Variants in TRMT11 observed in about 807,000 individuals in gnomAD.
TRMT11 encodes tRNA methyltransferase 11.
A neutral mutation model predicts 62.8 loss-of-function variants in TRMT11; 53 were observed. That is an observed-to-expected ratio of 0.84 (90% CI 0.68 to 1.06). The LOEUF (loss-of-function observed/expected upper bound fraction) is 1.06, where lower values mean the gene tolerates loss of function less well. Ranked by LOEUF, TRMT11 falls within the 50% of genes least tolerant of loss-of-function variation. The probability of loss-of-function intolerance (pLI) is 0.00; values close to 1 mark genes in which losing one functional copy is unlikely to be tolerated. For missense variants in TRMT11, 556 were observed against 553.4 expected (o/e 1.00, Z -0.05); for synonymous variants, 188 against 190.3 (o/e 0.99, Z 0.10).
At chr6:126,067,059 C>A (rs1483246067) in intron 17 of TRMT11, among the ~76,000 whole-genome samples, 1 of 152,016 alleles carries the variant, frequency 6.6e-6, no homozygotes, top group East Asian at 1.9e-4. Context: ...GAAACCCTGT[C>A]TCTAATAAAA....
chr6:126,194,110 T>G (rs1778637387), intron 1 of TRMT11, among the ~76,000 whole-genome samples: 1 of 152,170 alleles, frequency 6.6e-6, no homozygotes, highest in Non-Finnish European at 1.5e-5. Context: ...TGGAGAATGT[T>G]CCATGTGCTG....
At chr6:126,171,415 G>T (rs2026170) in intron 21 of TRMT11, among the ~76,000 whole-genome samples, 1 of 152,116 alleles carries the variant, frequency 6.6e-6, no homozygotes, top group Non-Finnish European at 1.5e-5. Context: ...TATTTCATCA[G>T]AACTTGGTGC....
At chr6:126,009,117 A>G (rs935543425) in intron 8 of TRMT11, among the ~76,000 whole-genome samples, 3 of 151,942 alleles carry the variant, frequency 2.0e-5, no homozygotes, top group East Asian at 1.9e-4. Flanking sequence ...ATACATGATA[A>G]TGAAACATAT....
chr6:126,238,631 C>A, the TRMT11 span, among the ~76,000 whole-genome samples: 1 of 151,154 alleles, frequency 6.6e-6, no homozygotes, highest in Non-Finnish European at 1.5e-5. Context: ...TTACTTCCAA[C>A]TATGTGGTCA....
intron 17 of TRMT11, among the ~76,000 whole-genome samples, chr6:126,083,434 C>T (rs1178494214): frequency 6.6e-6 from 1 of 152,014 alleles, no homozygotes; most frequent in Non-Finnish European, 1.5e-5. Context: ...TATTCCATAC[C>T]TTCCTTTTCT....
At chr6:126,007,846 G>C (rs1291854284) in intron 7 of TRMT11, among the ~76,000 whole-genome samples, 2 of 151,910 alleles carry the variant, frequency 1.3e-5, no homozygotes, top group African/African-American at 4.8e-5. Context: ...ATAATTACTT[G>C]ATTGGTTACA....
intron 21 of TRMT11, among the ~76,000 whole-genome samples, chr6:126,120,668 G>T (rs1358433542): frequency 6.6e-6 from 1 of 152,104 alleles, no homozygotes; most frequent in African/African-American, 2.4e-5. Flanking sequence ...TTTGATTCTG[G>T]ATAGTATTGT....
chr6:126,205,880 C>T (rs1295964349), downstream of TRMT11, among the ~76,000 whole-genome samples: 1 of 146,718 alleles, frequency 6.8e-6, no homozygotes, highest in African/African-American at 2.5e-5. Context: ...CTCAAATATG[C>T]CTGCACATGT....
At chr6:126,122,641 C>T (rs1777663478) in intron 21 of TRMT11, among the ~76,000 whole-genome samples, 1 of 152,124 alleles carries the variant, frequency 6.6e-6, no homozygotes, top group South Asian at 2.1e-4. Context: ...TGGGCTTCCC[C>T]ACTCATTCTC....
intron 11 of TRMT11, among the ~76,000 whole-genome samples, chr6:126,018,901 A>G (rs1182192865): frequency 6.6e-6 from 1 of 151,406 alleles, no homozygotes; most frequent in Non-Finnish European, 1.5e-5. Flanking sequence ...TTTTTTTTTG[A>G]GACAATTTCG....
At chr6:126,034,404 A>T (rs1774790919) in intron 12 of TRMT11, among the ~76,000 whole-genome samples, 2 of 152,070 alleles carry the variant, frequency 1.3e-5, no homozygotes, top group South Asian at 4.1e-4. Flanking sequence ...ACAATTGCTG[A>T]TTGTCTTAAA....
chr6:126,247,362 T>C, the TRMT11 span, among the ~76,000 whole-genome samples: 1 of 150,754 alleles, frequency 6.6e-6, no homozygotes, highest in Non-Finnish European at 1.5e-5. Context: ...CACACACATA[T>C]ACACACACAC....
At chr6:126,108,807 T>A (rs894600569) in intron 17 of TRMT11, among the ~76,000 whole-genome samples, 1 of 152,210 alleles carries the variant, frequency 6.6e-6, no homozygotes, top group Non-Finnish European at 1.5e-5. Context: ...TACAACTGGC[T>A]CTTGAATTTA....
At chr6:126,104,634 A>T (rs944740767) in intron 17 of TRMT11, among the ~76,000 whole-genome samples, 2 of 152,234 alleles carry the variant, frequency 1.3e-5, no homozygotes, top group Non-Finnish European at 2.9e-5. Flanking sequence ...GGGTCTAAGA[A>T]TTATTGCATG....
chr6:126,011,166 G>A (rs1408929362), intron 8 of TRMT11, 87 bp from the exon 9 acceptor site: 2 of 1,146,820 alleles, frequency 1.7e-6, no homozygotes, highest in African/African-American at 3.2e-5. Flanking sequence ...GTAGGTTTCA[G>A]TGAGTTAAAA....
Position 126,038,778 on chromosome 6 carries a change from A to G in TRMT11, c.1334A>G (p.Lys445Arg). 6.2e-7 allele frequency: 1 copy of G among 1,607,482 alleles called. No homozygotes were observed. The highest frequency in any genetic ancestry group is 8.5e-7 in the Non-Finnish European group (1 of 1,177,094). ...CAAGGTCATAATTCCTTCCGTGAGA[A>G]ATATTTTAGTGGGGTAACAAAAAGA... ...PYQGHNSFRE[K>R]YFSGVTKRIA... Residue 445 changes from lysine (K) to arginine (R), a missense_variant, in exon 13 of 13, where the codon AAA (lysine) becomes AGA (arginine). Physicochemically the swap from Lys to Arg is conservative, Grantham distance 26. Transcript: ENST00000334379.
At chr6:126,023,387 C>G (rs1246903573) in intron 12 of TRMT11, among the ~76,000 whole-genome samples, 1 of 152,132 alleles carries the variant, frequency 6.6e-6, no homozygotes, top group African/African-American at 2.4e-5. Context: ...CGGTGGCTCA[C>G]GCCTGTAATC....
intron 21 of TRMT11, among the ~76,000 whole-genome samples, chr6:126,117,988 G>T (rs1777609862): frequency 6.6e-6 from 1 of 152,088 alleles, no homozygotes; most frequent in South Asian, 2.1e-4. Flanking sequence ...CAACTCGTCT[G>T]TTCAGGTTGA....
intron 1 of TRMT11, among the ~76,000 whole-genome samples, chr6:125,988,654 C>G (rs1790070142): frequency 6.6e-6 from 1 of 152,096 alleles, no homozygotes; most frequent in Admixed American, 6.5e-5. Context: ...AATAGTAAAA[C>G]TTGAAATAGT....
Sources: gnomAD v4.1 joint callset for allele counts (sites outside exome capture counted in the v4.1 genomes callset) on GRCh38, gnomAD v4.1.1 for gene constraint, MANE v1.5 for transcripts, NCBI Gene and HGNC (gene_info 2026-07-23, HGNC 2026-07-21) for gene names.